Variants in LLGL2 observed in about 807,000 individuals in gnomAD.
LLGL2 encodes LLGL2, scribble cell polarity complex component.
Under a neutral mutation model 123.2 loss-of-function variants are expected in LLGL2, and 81 were observed. That is an observed-to-expected ratio of 0.66 (90% CI 0.55 to 0.79). LLGL2 has a LOEUF of 0.79. Among genes scored for constraint, LLGL2 ranks in the 30% least tolerant of loss-of-function variants. LLGL2 has a pLI of 0.00. For synonymous variants in LLGL2, 577 were observed against 594.1 expected, an observed-to-expected ratio of 0.97 and a Z score of 0.42; for missense variants, 1,273 against 1,414.6, an observed-to-expected ratio of 0.90 and a Z score of 1.61.
chr17:75,537,808 C>CTTT (rs1326747099), intron 1 of LLGL2, among the ~76,000 whole-genome samples: 1 of 139,718 alleles, frequency 7.2e-6, no homozygotes, highest in African/African-American at 2.8e-5. Flanking sequence ...TGGAAGGTGA[C>CTTT]CTTTTTTTTT....
chr17:75,563,287 C>T (rs373715661), intron 7 of LLGL2, 44 bp from the exon 8 acceptor site: 54 of 1,604,580 alleles, frequency 3.4e-5, no homozygotes, highest in Middle Eastern at 1.7e-4. Context: ...AACGCCGCCT[C>T]GGTCCAGCGT....
Position 75,571,107 on chromosome 17 carries a change from G to A in LLGL2, c.2176+7G>A. 6.2e-7 allele frequency: 1 copy of A among 1,605,746 alleles called. No homozygotes were observed. The highest frequency in any genetic ancestry group is 8.5e-7 in the Non-Finnish European group (1 of 1,174,990). ...GACACCTACCTGAAGGACAGTGAGT[G>A]GCCAGCCTGGGGTTGGGGGGCAGGG... On this transcript the variant is annotated splice_region_variant and intron_variant, in intron 17 of 25. Transcript: ENST00000392550.
At chr17:75,539,965 A>G (rs1568024838) in intron 1 of LLGL2, among the ~76,000 whole-genome samples, 1 of 152,100 alleles carries the variant, frequency 6.6e-6, no homozygotes, top group Non-Finnish European at 1.5e-5. Context: ...CTCCCCTGTC[A>G]CTGCTGTATC....
chr17:75,571,751 G>A lies in LLGL2; in HGVS notation c.2261G>A (p.Arg754Gln), dbSNP rs148419840. 7.1e-5 allele frequency: 115 copies of A among 1,608,944 alleles called. No individual in the cohort carries two copies. The African/African-American group carries it at 1.2e-3, about 16-fold the overall frequency. Residue 754 changes from arginine to glutamine, a missense_variant, in exon 18 of 26, where the codon CGG (arginine) becomes CAG (glutamine). Arg to Gln is a conservative substitution (Grantham distance 43, BLOSUM62 1). Coordinates refer to ENST00000392550, the MANE Select transcript of LLGL2 (RefSeq NM_001031803.2). ...TCCCTGCGTGTGCCTCCCGCCGAGCGGAGAATGGATGAGCCTGTGCGGGCA... is the reference window on the plus strand; with the variant it reads ...TCCCTGCGTGTGCCTCCCGCCGAGCAGAGAATGGATGAGCCTGTGCGGGCA... ...AFSLRVPPAE[R>Q]RMDEPVRAEQ...
At chr17:75,552,952 G>A (rs1271840606) in intron 2 of LLGL2, among the ~76,000 whole-genome samples, 1 of 152,206 alleles carries the variant, frequency 6.6e-6, no homozygotes, top group East Asian at 1.9e-4. Context: ...AATTCCAGAG[G>A]CTGTTCCCTG....
At chr17:75,570,632 T>C in intron 16 of LLGL2, 134 bp downstream of exon 16, 1 of 1,131,968 alleles carries the variant, frequency 8.8e-7, no homozygotes, top group South Asian at 1.6e-5. Flanking sequence ...GGTCGCATTG[T>C]GTGACCTCAG....
chr17:75,554,341 G>A (rs1235086689), intron 2 of LLGL2, among the ~76,000 whole-genome samples: 5 of 150,890 alleles, frequency 3.3e-5, no homozygotes, highest in East Asian at 1.9e-4. Context: ...GCAGCTTGCA[G>A]TGACTCACGC....
chr17:75,567,954 A>AGAAAAG, intron 10 of LLGL2: 7 of 629,718 alleles, frequency 1.1e-5, no homozygotes, highest in Non-Finnish European at 1.4e-5. Flanking sequence ...AGAAAAGAAA[A>AGAAAAG]AAAAAAAAAA....
At chr17:75,551,773 G>A (rs953904546) in intron 2 of LLGL2, among the ~76,000 whole-genome samples, 1 of 152,260 alleles carries the variant, frequency 6.6e-6, no homozygotes, top group Admixed American at 6.5e-5. Context: ...AGCCATGTAT[G>A]TGATTTAAAA....
In LLGL2 at chr17:75,564,207, C is replaced by T. The variant is rs2055348681; in HGVS notation, c.882-146C>T. 2 of 1,439,760 alleles carry T rather than the reference C, an allele frequency of 1.4e-6. No homozygotes were observed. Among genetic ancestry groups the T allele is most frequent in the African/African-American group, 1.4e-5 (1 of 70,202 alleles). The allele number at this position is 1,439,760 out of a possible 1,614,324, so 89.2% of individuals were successfully genotyped here. On this transcript the variant is annotated intron_variant, in intron 9 of 25. Transcript: ENST00000392550. The surrounding 1 kb of genome is among the most constrained non-coding windows in gnomAD (Gnocchi z 4.9). ...GCCCTCACCTTACCTCCAAGTCCTCCTGGGCTGTAGCAGTTGGAAGGAGAT... is the reference window on the plus strand; with the variant it reads ...GCCCTCACCTTACCTCCAAGTCCTCTTGGGCTGTAGCAGTTGGAAGGAGAT...
At chr17:75,537,572 C>G (rs923686340) in intron 1 of LLGL2, among the ~76,000 whole-genome samples, 3 of 152,184 alleles carry the variant, frequency 2.0e-5, no homozygotes, top group African/African-American at 7.2e-5. Flanking sequence ...GTGGTGGACA[C>G]CTGTAATTCC....
In LLGL2 at chr17:75,559,529, A is replaced by G. The variant is rs8078147; in HGVS notation, c.530+119A>G. On this transcript the variant is annotated intron_variant, in intron 6 of 25. Coordinates refer to ENST00000392550, the MANE Select transcript of LLGL2 (RefSeq NM_001031803.2). This position sits in a 1 kb window ranked among gnomAD's most constrained non-coding sequence, Gnocchi z 4.6. The stretch of plus-strand genomic sequence containing the variant: ...TCTCTGCTGGGAATTCCATGGGGCT[A>G]TAGCAGGGGAGGCTCTTGGCTTCCT... The G allele has an allele frequency of 2.5e-4, 325 of 1,297,594 alleles. No individual in the cohort carries two copies. The African/African-American group carries it at 4.0e-3, about 16-fold the overall frequency. 80.4% of individuals were successfully genotyped at this position (1,297,594 alleles called of 1,614,324 possible).
At chr17:75,547,654 A>G (rs1488010127) in intron 2 of LLGL2, among the ~76,000 whole-genome samples, 1 of 152,044 alleles carries the variant, frequency 6.6e-6, no homozygotes, top group Non-Finnish European at 1.5e-5. Context: ...GCGAAACCCC[A>G]TCTCTACTAA....
intron 2 of LLGL2, among the ~76,000 whole-genome samples, chr17:75,552,905 T>A (rs564338421): frequency 1.3e-5 from 2 of 152,214 alleles, no homozygotes; most frequent in African/African-American, 2.4e-5. Context: ...GGCCAGGCCA[T>A]TGGGCTCCTG....
At chr17:75,545,143 CTG>C (rs1268977136) in intron 2 of LLGL2, among the ~76,000 whole-genome samples, 1 of 151,504 alleles carries the variant, frequency 6.6e-6, no homozygotes, top group East Asian at 1.9e-4. Context: ...CAAGTTCTGT[CTG>C]TGCAGCTGAG....
chr17:75,531,078 C>G (rs367585751), intron 1 of LLGL2, among the ~76,000 whole-genome samples: 1 of 152,150 alleles, frequency 6.6e-6, no homozygotes, highest in Non-Finnish European at 1.5e-5. Flanking sequence ...ACACCCTCCT[C>G]ACCCTGCTGG....
chr17:75,555,675 C>T (rs931945709), intron 2 of LLGL2, among the ~76,000 whole-genome samples: 3 of 152,090 alleles, frequency 2.0e-5, no homozygotes, highest in African/African-American at 4.8e-5. Context: ...CTCCATTGTT[C>T]CAAACTCCCC....
chr17:75,572,698 C>T (rs1345456408), intron 19 of LLGL2, among the ~76,000 whole-genome samples: 2 of 143,658 alleles, frequency 1.4e-5, no homozygotes, highest in African/African-American at 5.4e-5. Context: ...TGGTGGTGGA[C>T]GCCTGTAATC....
chr17:75,566,644 T>G (rs1392600502), intron 10 of LLGL2, among the ~76,000 whole-genome samples: 3 of 152,182 alleles, frequency 2.0e-5, no homozygotes, highest in Non-Finnish European at 2.9e-5. Flanking sequence ...GAGGCCAGAT[T>G]TGGTCCTCAG....
Sources: allele counts gnomAD v4.1 joint callset (sites outside exome capture counted in the v4.1 genomes callset), GRCh38; gene constraint gnomAD v4.1.1; non-coding constraint Gnocchi (gnomAD v3.1); transcripts MANE v1.5; gene names NCBI Gene and HGNC (gene_info 2026-07-23, HGNC 2026-07-21).